PRELID2: variants seen among roughly 807,000 people sequenced by gnomAD.
PRELID2 encodes PRELI domain-containing protein 2.
A neutral mutation model predicts 28.4 loss-of-function variants in PRELID2; 25 were observed. The observed-to-expected ratio is 0.88, with a 90% CI of 0.64 to 1.23. PRELID2 has a LOEUF of 1.23. Ranked by LOEUF, PRELID2 falls within the 50% of genes most tolerant of loss-of-function variation. The pLI is 0.00. For missense variants in PRELID2, 201 were observed against 214.4 expected (o/e 0.94, Z 0.39); for synonymous variants, 76 against 71.6 (o/e 1.06, Z -0.31).
At chr5:145,605,205 T>C (rs1210461066) in intron 1 of PRELID2, among the ~76,000 whole-genome samples, 1 of 152,062 alleles carries the variant, frequency 6.6e-6, no homozygotes, top group African/African-American at 2.4e-5. Flanking sequence ...TTTTTGTATT[T>C]GTTGCTCTTG....
intron 1 of PRELID2, among the ~76,000 whole-genome samples, chr5:145,729,549 C>T (rs922809420): frequency 1.3e-5 from 2 of 151,948 alleles, no homozygotes; most frequent in African/African-American, 4.8e-5. Flanking sequence ...ATAATAAATG[C>T]CTTAAGAAAT....
At chr5:145,653,608 C>G (rs1239694207) in intron 1 of PRELID2, among the ~76,000 whole-genome samples, 1 of 152,240 alleles carries the variant, frequency 6.6e-6, no homozygotes, top group East Asian at 1.9e-4. Context: ...CTCAAAACCA[C>G]TCAACTACGT....
downstream of PRELID2, among the ~76,000 whole-genome samples, chr5:145,469,768 G>T (rs1397187929): frequency 6.6e-6 from 1 of 152,048 alleles, no homozygotes; most frequent in African/African-American, 2.4e-5. Context: ...CTCGATCAAA[G>T]AAGCTAATTA....
the PRELID2 span, among the ~76,000 whole-genome samples, chr5:145,263,952 A>G: frequency 1.3e-5 from 2 of 151,990 alleles, no homozygotes; most frequent in Admixed American, 1.3e-4. Flanking sequence ...GTGCAGTAGC[A>G]TGATCTCTGT....
chr5:145,335,856 C>T, the PRELID2 span, among the ~76,000 whole-genome samples: 4 of 152,320 alleles, frequency 2.6e-5, no homozygotes, highest in South Asian at 6.2e-4. Flanking sequence ...ACACTGACTT[C>T]CACAAGGGTT....
intron 1 of PRELID2, among the ~76,000 whole-genome samples, chr5:145,636,131 A>G (rs1753997062): frequency 6.6e-6 from 1 of 152,190 alleles, no homozygotes; most frequent in African/African-American, 2.4e-5. Context: ...CTTTACATTC[A>G]TTACTATGTT....
At chr5:145,358,469 T>C in the PRELID2 span, among the ~76,000 whole-genome samples, 1 of 151,766 alleles carries the variant, frequency 6.6e-6, no homozygotes, top group Admixed American at 6.6e-5. Flanking sequence ...GAGGTTACAC[T>C]CTCCAATGAG....
the PRELID2 span, among the ~76,000 whole-genome samples, chr5:145,376,867 T>G: frequency 1.3e-5 from 2 of 152,166 alleles, 1 homozygote; most frequent in Admixed American, 1.3e-4. Flanking sequence ...TTTTGAATGT[T>G]TTCTTCTCCC....
chr5:145,680,984 T>C (rs951286468), intron 1 of PRELID2, among the ~76,000 whole-genome samples: 1 of 152,178 alleles, frequency 6.6e-6, no homozygotes, highest in Non-Finnish European at 1.5e-5. Flanking sequence ...GCTGTGACTT[T>C]CACACCCTCA....
the PRELID2 span, among the ~76,000 whole-genome samples, chr5:145,310,503 T>C: frequency 6.6e-6 from 1 of 152,214 alleles, no homozygotes; most frequent in Non-Finnish European, 1.5e-5. Context: ...AAAATGGTCA[T>C]GATTTATATT....
At chr5:145,362,175 G>A in the PRELID2 span, among the ~76,000 whole-genome samples, 1 of 152,110 alleles carries the variant, frequency 6.6e-6, no homozygotes, top group Non-Finnish European at 1.5e-5. Context: ...AGAAAGGAAG[G>A]AAAGCAAGGC....
chr5:145,351,196 A>G, the PRELID2 span, among the ~76,000 whole-genome samples: 2 of 152,136 alleles, frequency 1.3e-5, no homozygotes, highest in Non-Finnish European at 2.9e-5. Flanking sequence ...ATTCACTCAG[A>G]TTCTCTGGGA....
intron 4 of PRELID2, among the ~76,000 whole-genome samples, chr5:145,804,300 G>C (rs1308333207): frequency 1.3e-5 from 2 of 152,002 alleles, no homozygotes; most frequent in African/African-American, 4.8e-5. Flanking sequence ...CATGAGGTCA[G>C]GAGTTTGAGA....
intron 1 of PRELID2, among the ~76,000 whole-genome samples, chr5:145,567,351 G>GGTTTGT (rs1752975977): frequency 1.8e-5 from 2 of 114,240 alleles, no homozygotes; most frequent in South Asian, 5.2e-4. Flanking sequence ...TGATGGTTTG[G>GGTTTGT]TTTGGTTTGG....
rs1462853985 is a variant in PRELID2, at chr5:145,817,232, T to C, written c.368+662A>G. ...ATAAATAAAAAAAAATATATATATA[T>C]ATATACTTTAGATAAACAACTCATA... On this transcript the variant is annotated intron_variant, in intron 4 of 6. Transcript: ENST00000683046. 9.5e-5 allele frequency among the ~76,000 whole-genome samples: 12 copies of C among 126,500 alleles called. 1 individual carries two copies. Among genetic ancestry groups the C allele is most frequent in the African/African-American group, 3.2e-4 (12 of 37,046 alleles). The allele number at this position is 126,500 out of a possible 152,430, so 83.0% of individuals were successfully genotyped here.
chr5:145,380,176 G>A, the PRELID2 span, among the ~76,000 whole-genome samples: 14 of 152,238 alleles, frequency 9.2e-5, no homozygotes, highest in East Asian at 5.8e-4. Context: ...TCCTCATGCC[G>A]GGGTCCCAGA....
intron 1 of PRELID2, among the ~76,000 whole-genome samples, chr5:145,684,399 C>G (rs1252001843): frequency 6.6e-6 from 1 of 152,108 alleles, no homozygotes; most frequent in Non-Finnish European, 1.5e-5. Context: ...CTTTTGTTAT[C>G]CTGTGTTGTT....
intron 1 of PRELID2, among the ~76,000 whole-genome samples, chr5:145,651,426 G>T (rs1215816046): frequency 6.6e-6 from 1 of 152,182 alleles, no homozygotes; most frequent in Non-Finnish European, 1.5e-5. Flanking sequence ...TCCCAGCACG[G>T]AGTCTGAGAT....
the PRELID2 span, among the ~76,000 whole-genome samples, chr5:145,263,797 A>G: frequency 6.6e-6 from 1 of 152,060 alleles, no homozygotes; most frequent in East Asian, 1.9e-4. Context: ...GAAACAATAG[A>G]AAATCTGAAC....
Sources: gnomAD v4.1 joint callset for allele counts (sites outside exome capture counted in the v4.1 genomes callset) on GRCh38, gnomAD v4.1.1 for gene constraint, MANE v1.5 for transcripts, NCBI Gene and HGNC (gene_info 2026-07-23, HGNC 2026-07-21) for gene names.